The following PACRGL variants were observed in gnomAD, a reference collection of about 807,000 sequenced individuals.
PACRGL encodes parkin coregulated like.
In PACRGL, 38 loss-of-function variants were observed where a neutral mutation model predicts 34.5. That is an observed-to-expected ratio of 1.10 (90% confidence interval 0.85 to 1.44). PACRGL has a LOEUF of 1.44. Among genes scored for constraint, PACRGL ranks in the 40% most tolerant of loss-of-function variants. PACRGL has a pLI of 0.00. For synonymous variants in PACRGL, 128 were observed against 100.1 expected, an observed-to-expected ratio of 1.28 and a Z score of -1.66; for missense variants, 305 against 281.4, an observed-to-expected ratio of 1.08 and a Z score of -0.60.
At chr4:20,711,093 A>G (rs1027263022) in intron 5 of PACRGL, among the ~76,000 whole-genome samples, 2 of 152,094 alleles carry the variant, frequency 1.3e-5, no homozygotes, top group African/African-American at 4.8e-5. Flanking sequence ...AAACACACAC[A>G]CACACAAAAT....
upstream of PACRGL, among the ~76,000 whole-genome samples, chr4:20,699,236 A>ATTT (rs1731453572): frequency 6.6e-6 from 1 of 151,738 alleles, no homozygotes; most frequent in Non-Finnish European, 1.5e-5. Context: ...TTTTTTTTTA[A>ATTT]AAATTTCTTT....
downstream of PACRGL, chr4:20,732,740 A>C (rs1247738477): frequency 1.2e-6 from 2 of 1,612,788 alleles, no homozygotes; most frequent in South Asian, 2.2e-5. Flanking sequence ...GGATATGTAC[A>C]TTTACCCATC....
At position 20,724,790 on chromosome 4, in the gene PACRGL, C is replaced by T. The variant is rs760296802; in HGVS notation, c.610-18C>T. 1.4e-6 allele frequency: 2 copies of T among 1,418,982 alleles called. No homozygotes were observed. Among genetic ancestry groups the T allele is most frequent in the Middle Eastern group, 1.8e-4 (1 of 5,536 alleles). The allele number at this position is 1,418,982 out of a possible 1,614,324, so 87.9% of individuals were successfully genotyped here. On this transcript the variant is annotated intron_variant, in intron 7 of 8. Coordinates refer to ENST00000503585, the MANE Select transcript of PACRGL (RefSeq NM_001258345.3). ...AAGTTTAAAGTCATTTCGTTTCCCC[C>T]TAATCTTACTTTAAAAGCTTTCCAA...
Position 20,730,279 on chromosome 4 carries a change from A to G in PACRGL, c.*2938A>G. 3 of 984,918 alleles carry G rather than the reference A, an allele frequency of 3.0e-6. No individual in the cohort carries two copies. The highest frequency in any genetic ancestry group is 2.8e-6 in the Non-Finnish European group (2 of 713,228). 61.0% of individuals were successfully genotyped at this position (984,918 alleles called of 1,614,324 possible). On this transcript the variant is annotated 3_prime_UTR_variant, in exon 9 of 9. Transcript: ENST00000503585. ...TTAAGTGTTTGCAAATGTAAATGCCATTCTATTCTATCCATTTTCCACATA... is the reference window on the plus strand; with the variant it reads ...TTAAGTGTTTGCAAATGTAAATGCCGTTCTATTCTATCCATTTTCCACATA...
intron 3 of PACRGL, among the ~76,000 whole-genome samples, chr4:20,707,526 C>T (rs1316081579): frequency 3.3e-5 from 5 of 152,220 alleles, no homozygotes; most frequent in African/African-American, 1.2e-4. Context: ...GAGTCCTCAC[C>T]TTGAAAGGTC....
intron 7 of PACRGL, among the ~76,000 whole-genome samples, chr4:20,717,087 T>A (rs1359971177): frequency 1.3e-5 from 2 of 152,230 alleles, no homozygotes; most frequent in Admixed American, 1.3e-4. Flanking sequence ...TGGCCAGTGA[T>A]GATGAGCATT....
chr4:20,715,313 A>T lies in PACRGL; in HGVS notation c.609+1774A>T, dbSNP rs530887349. Among the ~76,000 whole-genome samples, 40 of 152,166 alleles carry T rather than the reference A, an allele frequency of 2.6e-4. No homozygotes were observed. In the Middle Eastern group the frequency reaches 0.01, roughly 39 times the overall value. On this transcript the variant is annotated intron_variant, in intron 7 of 8. Transcript: ENST00000503585. Reference sequence around the variant, plus strand: ...GGGGAGGGATAGCATTAGGAGATATACCTAATGCTAAATGACGAGTTAATG... The same window carrying T: ...GGGGAGGGATAGCATTAGGAGATATTCCTAATGCTAAATGACGAGTTAATG...
rs1747791278 is a variant in PACRGL at position 20,730,485 on chromosome 4, A to G, written c.*3144A>G. ...ATGAGAATTTTGGCATTCTATGTAG[A>G]TCACAGGCCAAATCACACAGACTTT... On this transcript the variant is annotated 3_prime_UTR_variant, in exon 9 of 9. Transcript: ENST00000503585. 6.6e-6 allele frequency among the ~76,000 whole-genome samples: 1 copy of G among 152,316 alleles called. No individual in the cohort carries two copies. Among genetic ancestry groups the G allele is most frequent in the East Asian group, 1.9e-4 (1 of 5,182 alleles).
intron 8 of PACRGL, among the ~76,000 whole-genome samples, chr4:20,748,589 TA>T (rs1157314057): frequency 1.4e-4 from 12 of 85,122 alleles, no homozygotes; most frequent in African/African-American, 2.1e-4. Flanking sequence ...TATATATATA[TA>T]TATATATATA....
chr4:20,748,876 G>GTA (rs1753003278), intron 8 of PACRGL, among the ~76,000 whole-genome samples: 3 of 100,100 alleles, frequency 3.0e-5, no homozygotes, highest in Non-Finnish European at 6.4e-5. Context: ...TTACGTGTGT[G>GTA]TGTGTATGTG....
Position 20,749,542 on chromosome 4 carries a change from G to A in PACRGL, c.*57-3023G>A, listed in dbSNP as rs546489915. 61 of 583,660 alleles carry A rather than the reference G, an allele frequency of 1.0e-4. 1 individual carries two copies. In the East Asian group the frequency reaches 1.7e-3, roughly 16 times the overall value. 36.2% of individuals were successfully genotyped at this position (583,660 alleles called of 1,614,324 possible). On this transcript the variant is annotated intron_variant, in intron 8 of 8. Transcript: ENST00000507634. ...ATTTTTGGCAATTACATGAGAGAAA[G>A]GGAGTGTCCTTGGGCTTTCTTTCCC...
chr4:20,724,053 T>C (rs1490563968), intron 7 of PACRGL, among the ~76,000 whole-genome samples: 1 of 152,106 alleles, frequency 6.6e-6, no homozygotes, highest in Non-Finnish European at 1.5e-5. Context: ...CTAGAAAAAG[T>C]TTTTCAAAAC....
In PACRGL at chr4:20,713,030, G is replaced by A. The variant is rs3764965; in HGVS notation, c.501+108G>A. The A allele has an allele frequency of 2.6e-5, 31 of 1,175,750 alleles. No individual in the cohort carries two copies. The South Asian group carries it at 5.3e-4, about 20-fold the overall frequency. The allele number at this position is 1,175,750 out of a possible 1,614,324, so 72.8% of individuals were successfully genotyped here. ...TTTTTCCCTCCATATTATATGCAAA[G>A]TAGTCCTTTATCTGTGATTCTGACA... On this transcript the variant is annotated intron_variant, in intron 6 of 8. Coordinates refer to ENST00000503585, the MANE Select transcript of PACRGL (RefSeq NM_001258345.3).
intron 7 of PACRGL, among the ~76,000 whole-genome samples, chr4:20,724,267 C>T (rs1036785915): frequency 6.6e-6 from 1 of 152,138 alleles, no homozygotes. Context: ...TAAACAGCAT[C>T]TCAAGTGATT....
At chr4:20,705,901 T>C (rs1734276475) in intron 3 of PACRGL, among the ~76,000 whole-genome samples, 1 of 147,392 alleles carries the variant, frequency 6.8e-6, no homozygotes, top group Non-Finnish European at 1.5e-5. Flanking sequence ...AGTGGAGGCA[T>C]CTAGTGTGCT....
chr4:20,714,539 A>G (rs941093999), intron 7 of PACRGL, among the ~76,000 whole-genome samples: 7 of 152,148 alleles, frequency 4.6e-5, no homozygotes, highest in Admixed American at 3.3e-4. Flanking sequence ...TGATCCCGTC[A>G]TTATGATATT....
At chr4:20,700,019 A>G (rs1731556125), upstream of PACRGL, among the ~76,000 whole-genome samples, 1 of 152,170 alleles carries the variant, frequency 6.6e-6, no homozygotes, top group Non-Finnish European at 1.5e-5. Flanking sequence ...CTACAAGAAA[A>G]TCCCACAGCT....
Position 20,731,378 on chromosome 4 carries a change from C to A in PACRGL, c.*4037C>A, listed in dbSNP as rs1191534908. 1.0e-6 allele frequency: 1 copy of A among 984,870 alleles called. No homozygotes were observed. The highest frequency in any genetic ancestry group is 1.7e-5 in the African/African-American group (1 of 57,212). The allele number at this position is 984,870 out of a possible 1,614,324, so 61.0% of individuals were successfully genotyped here. On this transcript the variant is annotated 3_prime_UTR_variant, in exon 9 of 9. Transcript: ENST00000503585. ...TGTGAGCTACTGTACCAGGCCTTAA[C>A]AATTTTTAACTGTGGTTCTGCCCAC...
downstream of PACRGL, among the ~76,000 whole-genome samples, chr4:20,754,232 A>G (rs1180936250): frequency 6.6e-6 from 1 of 152,140 alleles, no homozygotes; most frequent in African/African-American, 2.4e-5. Context: ...AGCTCACCAA[A>G]CAAGTTGGGT....
Sources: gnomAD v4.1 joint callset for allele counts (sites outside exome capture counted in the v4.1 genomes callset) on GRCh38, gnomAD v4.1.1 for gene constraint, MANE v1.5 for transcripts, NCBI Gene and HGNC (gene_info 2026-07-23, HGNC 2026-07-21) for gene names.